The following HGF variants were observed in gnomAD, a reference collection of about 807,000 sequenced individuals.
The protein encoded by HGF is hepatocyte growth factor, also known as fibroblast-derived tumor cytotoxic factor.
Under a neutral mutation model 111.6 loss-of-function variants are expected in HGF, and 39 were observed. That is an observed-to-expected ratio of 0.35 (90% CI 0.27 to 0.46). The LOEUF (loss-of-function observed/expected upper bound fraction) is 0.46, where lower values mean the gene tolerates loss of function less well. Ranked by LOEUF, HGF falls within the 20% of genes least tolerant of loss-of-function variation. The probability of loss-of-function intolerance (pLI) is 1.00; values close to 1 mark genes in which losing one functional copy is unlikely to be tolerated. For synonymous variants in HGF, 285 were observed against 294.8 expected (o/e 0.97, Z 0.34); for missense variants, 735 against 910.5 (o/e 0.81, Z 2.48).
At chr7:81,737,268 G>T (rs1787862003) in intron 7 of HGF, among the ~76,000 whole-genome samples, 1 of 151,956 alleles carries the variant, frequency 6.6e-6, no homozygotes, top group Admixed American at 6.6e-5. Flanking sequence ...CCCCTTTACA[G>T]GATTCATGAA....
chr7:81,711,506 G>A lies in HGF; in HGVS notation c.1419C>T (p.Thr473=). 1.4e-6 allele frequency: 2 copies of A among 1,432,054 alleles called. No homozygotes were observed. The highest frequency in any genetic ancestry group is 1.2e-5 in the South Asian group (1 of 83,672). The allele number at this position is 1,432,054 out of a possible 1,614,324, so 88.7% of individuals were successfully genotyped here. Residue 473 remains threonine, a synonymous_variant, in exon 12 of 18, where the codon ACC becomes ACT. Coordinates refer to ENST00000222390, the MANE Select transcript of HGF (RefSeq NM_000601.6). ...YCPISRCEGD[T]TPTIVNLDHP... ...GGTCTAAATTGACTATTGTAGGTGTGGTATCACCTTCACCTGTAAAAATAA... is the reference window on the plus strand; with the variant it reads ...GGTCTAAATTGACTATTGTAGGTGTAGTATCACCTTCACCTGTAAAAATAA...
chr7:81,758,301 A>G (rs1788883695), intron 3 of HGF, among the ~76,000 whole-genome samples: 1 of 152,064 alleles, frequency 6.6e-6, no homozygotes, highest in Non-Finnish European at 1.5e-5. Flanking sequence ...TTAGTTATCC[A>G]ACATTGTTAA....
intron 9 of HGF, among the ~76,000 whole-genome samples, chr7:81,723,649 G>T (rs1290006281): frequency 6.6e-6 from 1 of 150,570 alleles, no homozygotes; most frequent in Non-Finnish European, 1.5e-5. Context: ...TTCTTTAATA[G>T]TGTTTTTAAT....
rs2115779437 is a variant in HGF at position 81,707,330 on chromosome 7, C to T, written c.1576G>A (p.Glu526Lys). 1 of 1,603,004 alleles carries T rather than the reference C, an allele frequency of 6.2e-7. No homozygotes were observed. The highest frequency in any genetic ancestry group is 8.5e-7 in the Non-Finnish European group (1 of 1,170,610). ...TGTCGTGCAGTAAGAACCCAACTCTCCTTTATCAATGATCCTCCGCAGATA... is the reference window on the plus strand; with the variant it reads ...TGTCGTGCAGTAAGAACCCAACTCTTCTTTATCAATGATCCTCCGCAGATA... ...KHICGGSLIK[E>K]SWVLTARQCF... Residue 526 changes from glutamate to lysine, a missense_variant, in exon 14 of 18, where the codon GAG becomes AAG. Around this residue, in one of 3 missense-constraint regions of HGF, gnomAD observed 553 missense variants for 685.6 expected, o/e 0.81. Transcript: ENST00000222390.
In HGF at chr7:81,720,614, A is replaced by G. The variant is rs555851874; in HGVS notation, c.1271+131T>C. 5.7e-5 allele frequency: 38 copies of G among 664,718 alleles called. No individual in the cohort carries two copies. In the South Asian group the frequency reaches 6.3e-4, roughly 11 times the overall value. 41.2% of individuals were successfully genotyped at this position (664,718 alleles called of 1,614,324 possible). On this transcript the variant is annotated intron_variant, in intron 10 of 17. Transcript: ENST00000222390. ...ATGTTATGATGAGTTGTAAAGAAAA[A>G]CCAATCTAATGCTTTTATTAGCTTA...
At chr7:81,735,222 C>T (rs1787788424) in intron 7 of HGF, among the ~76,000 whole-genome samples, 1 of 152,046 alleles carries the variant, frequency 6.6e-6, no homozygotes, top group Non-Finnish European at 1.5e-5. Flanking sequence ...GTTTGCTTTC[C>T]ATGTGAAGCC....
chr7:81,736,586 GA>G (rs1787832770), intron 7 of HGF: 8 of 387,794 alleles, frequency 2.1e-5, no homozygotes, highest in African/African-American at 1.3e-4. Context: ...CTGATGTGAG[GA>G]AATCATAACT....
intron 7 of HGF, 130 bp downstream of exon 7, chr7:81,743,223 C>A (rs1788080245): frequency 2.6e-6 from 2 of 772,350 alleles, no homozygotes; most frequent in Non-Finnish European, 4.7e-6. Flanking sequence ...GTAACACATT[C>A]TTAAAATATT....
rs769593432 is a variant in HGF, at chr7:81,745,149, T to C, written c.626-29A>G. 1.1e-5 allele frequency: 18 copies of C among 1,612,432 alleles called. No homozygotes were observed. In the South Asian group the frequency reaches 1.9e-4, roughly 17 times the overall value. ...ATAAAATTAAAGTATGGCATGTTAATTGTTTCTGACAGCAAAATCAAAAAC... is the reference window on the plus strand; with the variant it reads ...ATAAAATTAAAGTATGGCATGTTAACTGTTTCTGACAGCAAAATCAAAAAC... On this transcript the variant is annotated intron_variant, in intron 5 of 17. Coordinates refer to ENST00000222390, the MANE Select transcript of HGF (RefSeq NM_000601.6).
intron 7 of HGF, among the ~76,000 whole-genome samples, chr7:81,738,336 A>G (rs6974682): frequency 0.82 from 124,990 of 152,036 alleles, 51,851 homozygotes; most frequent in African/African-American, 0.93. Flanking sequence ...TTATAATCAG[A>G]GAAAAACATA....
chr7:81,711,338 T>C, intron 12 of HGF, 143 bp downstream of exon 12: 1 of 456,038 alleles, frequency 2.2e-6, no homozygotes. Flanking sequence ...TAGAAAAATA[T>C]ATTTTAAAAA....
At chr7:81,756,332 C>T (rs1788768040) in intron 4 of HGF, 1 of 390,802 alleles carries the variant, frequency 2.6e-6, no homozygotes, top group African/African-American at 2.1e-5. Flanking sequence ...CAGCAAGGTA[C>T]ATGGTAAAGT....
intron 13 of HGF, among the ~76,000 whole-genome samples, chr7:81,709,149 G>C (rs1017357341): frequency 1.3e-5 from 2 of 152,046 alleles, no homozygotes; most frequent in Non-Finnish European, 2.9e-5. Context: ...GGAGGCTAGC[G>C]GTAAGGGAAC....
At chr7:81,751,435 A>T in intron 5 of HGF, 1 of 985,342 alleles carries the variant, frequency 1.0e-6, no homozygotes, top group Non-Finnish European at 1.2e-6. Flanking sequence ...CCACTGCAAA[A>T]GTAAGGACAA....
chr7:81,745,367 C>T (rs916623848), intron 5 of HGF, among the ~76,000 whole-genome samples: 9 of 152,108 alleles, frequency 5.9e-5, no homozygotes, highest in Admixed American at 2.0e-4. Context: ...AGGGCCACGA[C>T]GCTGTCTATC....
intron 1 of HGF, among the ~76,000 whole-genome samples, chr7:81,763,301 AAGAC>A (rs1044429479): frequency 4.3e-4 from 65 of 152,282 alleles, no homozygotes; most frequent in African/African-American, 1.5e-3. Context: ...AGCCAACACA[AAGAC>A]AGGCGAGAAA....
intron 7 of HGF, among the ~76,000 whole-genome samples, chr7:81,737,168 A>G (rs1261897809): frequency 2.6e-5 from 4 of 152,052 alleles, no homozygotes; most frequent in Admixed American, 2.6e-4. Flanking sequence ...ATCTAGGATT[A>G]TACCAGGCTT....
chr7:81,729,831 T>C, intron 7 of HGF, 52 bp from the exon 8 acceptor site: 1 of 1,561,710 alleles, frequency 6.4e-7, no homozygotes, highest in Non-Finnish European at 8.8e-7. Context: ...TCTTTGAAGA[T>C]GTCATTTGCC....
rs763072412 is a variant in HGF, at chr7:81,702,645, C to T, written c.2123G>A (p.Arg708Gln). 7.4e-6 allele frequency: 12 copies of T among 1,611,236 alleles called. No homozygotes were observed. Among genetic ancestry groups the T allele is most frequent in the South Asian group, 1.1e-5 (1 of 90,996 alleles). The part of the protein sequence containing the change: ...AIPNRPGIFV[R>Q]VAYYAKWIHK... ...TATCCATTTTGCATAATATGCTACT[C>T]GGACAAAAATACCAGGACGATTTGG... Residue 708 changes from arginine to glutamine, a missense_variant, in exon 18 of 18, where the codon CGA becomes CAA. Coordinates refer to ENST00000222390, the MANE Select transcript of HGF (RefSeq NM_000601.6).
Sources: gnomAD v4.1 joint callset for allele counts (sites outside exome capture counted in the v4.1 genomes callset) on GRCh38, gnomAD v4.1.1 for gene constraint, gnomAD v4.1.1 regional missense constraint, MANE v1.5 for transcripts, NCBI Gene and HGNC (gene_info 2026-07-23, HGNC 2026-07-21) for gene names.